Variants in NAA15 observed in about 807,000 individuals in gnomAD.
NAA15 encodes N-terminal acetyltransferase.
Under a neutral mutation model 114.0 loss-of-function variants are expected in NAA15, and 34 were observed. The observed-to-expected ratio is 0.30, with a 90% CI of 0.23 to 0.40. The LOEUF (loss-of-function observed/expected upper bound fraction) is 0.40. Among genes scored for constraint, NAA15 ranks in the 10% least tolerant of loss-of-function variants. The pLI is 1.00. For missense variants in NAA15, 658 were observed against 1,004.5 expected, an observed-to-expected ratio of 0.66 and a Z score of 4.66; for synonymous variants, 340 against 338.0, an observed-to-expected ratio of 1.01 and a Z score of -0.06.
intron 1 of NAA15, among the ~76,000 whole-genome samples, chr4:139,316,882 C>T (rs1746427013): frequency 6.7e-6 from 1 of 150,126 alleles, no homozygotes; most frequent in Non-Finnish European, 1.5e-5. Context: ...TTTAGTAGGC[C>T]ATCTATGCTC....
intron 15 of NAA15, among the ~76,000 whole-genome samples, chr4:139,371,497 G>GCGCGCA (rs1389164527): frequency 5.3e-5 from 6 of 113,678 alleles, no homozygotes; most frequent in East Asian, 5.7e-4. Flanking sequence ...AAGAAAAGTA[G>GCGCGCA]CACACACACA....
At chr4:139,303,329 ATTTATC>A (rs1466328986) in intron 1 of NAA15, among the ~76,000 whole-genome samples, 1 of 152,238 alleles carries the variant, frequency 6.6e-6, no homozygotes, top group African/African-American at 2.4e-5. Context: ...TAGAATAGCA[ATTTATC>A]TTTAATCTCT....
chr4:139,340,500 C>A (rs891666775), intron 3 of NAA15, among the ~76,000 whole-genome samples: 4 of 152,244 alleles, frequency 2.6e-5, no homozygotes, highest in Admixed American at 2.0e-4. Context: ...CCCATTCCTT[C>A]TTTTTCCTTT....
chr4:139,378,844 C>A lies in NAA15; in HGVS notation c.2145C>A (p.Leu715=), dbSNP rs35041082. Residue 715 remains leucine, a synonymous_variant, in exon 17 of 20, where the codon CTC becomes CTA. Transcript: ENST00000296543. ...GGCTTCATGAGTGTATGATTCGTCTCTTTAATACTGGTATGTTTTTGTTTT... is the reference window on the plus strand; with the variant it reads ...GGCTTCATGAGTGTATGATTCGTCTATTTAATACTGGTATGTTTTTGTTTT... ...HPWLHECMIR[L]FNTAVCESKD... is the part of the protein sequence containing the mutation. 91 of 1,550,836 alleles carry A rather than the reference C, an allele frequency of 5.9e-5. No individual in the cohort carries two copies. The African/African-American group carries it at 1.3e-3, about 21-fold the overall frequency.
At chr4:139,353,544 C>T (rs1016064459) in intron 9 of NAA15, among the ~76,000 whole-genome samples, 1 of 152,204 alleles carries the variant, frequency 6.6e-6, no homozygotes, top group African/African-American at 2.4e-5. Flanking sequence ...TGGATGGCCA[C>T]TCATTCTCCT....
chr4:139,368,501 C>T (rs1486995872), intron 14 of NAA15, among the ~76,000 whole-genome samples: 1 of 152,232 alleles, frequency 6.6e-6, no homozygotes, highest in Non-Finnish European at 1.5e-5. Flanking sequence ...GGCTTACTCT[C>T]ATGGCCAGAG....
At position 139,370,271 on chromosome 4, in the gene NAA15, A is replaced by G; in HGVS notation, c.1814A>G (p.Lys605Arg). 6.3e-7 allele frequency: 1 copy of G among 1,585,774 alleles called. No homozygotes were observed. Among genetic ancestry groups the G allele is most frequent in the Non-Finnish European group, 8.6e-7 (1 of 1,169,110 alleles). The change falls in exon 15 of 20, where the codon AAA (lysine) becomes AGA (arginine). Residue 605 changes from lysine (K) to arginine (R), a missense_variant. By Grantham distance (26) the Lys-to-Arg change is conservative (BLOSUM62 2). Coordinates refer to ENST00000296543, the MANE Select transcript of NAA15 (RefSeq NM_057175.5). ...AATAAACAAAGAAGAGCTCAAAAGA[A>G]AGCCCAGATAGAAGAAGAGAAAAAA... ...LRNKQRRAQK[K>R]AQIEEEKKNA...
At chr4:139,370,570 G>A (rs1410437226) in intron 15 of NAA15, among the ~76,000 whole-genome samples, 166 bp downstream of exon 15, 6 of 151,796 alleles carry the variant, frequency 4.0e-5, no homozygotes, top group East Asian at 1.9e-4. Context: ...GTTTCTGATC[G>A]TGTTTCATGT....
At chr4:139,302,686 A>G (rs1023925578) in intron 1 of NAA15, 1 of 152,280 alleles carries the variant, frequency 6.6e-6, no homozygotes, top group African/African-American at 2.4e-5. Flanking sequence ...AAATGAGAAT[A>G]TAAGAACTTT....
rs773011628 is a variant in NAA15, at chr4:139,321,773, G to T, written c.55-12401G>T. 2.6e-5 allele frequency among the ~76,000 whole-genome samples: 4 copies of T among 151,748 alleles called. No individual in the cohort carries two copies. In the South Asian group the frequency reaches 6.3e-4, roughly 24 times the overall value. ...GCTGGGATTACAGGTGTGAGCCACCGTGCCTGGCCCCCTCATTTGTTTTTT... is the reference window on the plus strand; with the variant it reads ...GCTGGGATTACAGGTGTGAGCCACCTTGCCTGGCCCCCTCATTTGTTTTTT... On this transcript the variant is annotated intron_variant, in intron 1 of 19. Transcript: ENST00000296543.
At chr4:139,360,180 G>A (rs1246033404) in intron 12 of NAA15, among the ~76,000 whole-genome samples, 1 of 152,064 alleles carries the variant, frequency 6.6e-6, no homozygotes, top group Admixed American at 6.6e-5. Context: ...TACCTGCTAT[G>A]TGGTGGTGTT....
Position 139,351,248 on chromosome 4 carries a change from G to T in NAA15, c.869G>T (p.Gly290Val). ...GAAGCCTGGACTAAATATCCCAGGGGACTGGTGCCAAGAAGGCTGCCGTTA... is the reference window on the plus strand; with the variant it reads ...GAAGCCTGGACTAAATATCCCAGGGTACTGGTGCCAAGAAGGCTGCCGTTA... ...YEEAWTKYPR[G>V]LVPRRLPLNF... Residue 290 changes from glycine (G) to valine (V), a missense_variant, in exon 8 of 20, where the codon GGA (glycine) becomes GTA (valine). By Grantham distance (109) the Gly-to-Val change is moderately radical. Around this residue, in one of 6 missense-constraint regions of NAA15, gnomAD observed 281 missense variants for 389.1 expected, o/e 0.72. Coordinates refer to ENST00000296543, the MANE Select transcript of NAA15 (RefSeq NM_057175.5). 6.2e-7 allele frequency: 1 copy of T among 1,610,588 alleles called. No individual in the cohort carries two copies. The highest frequency in any genetic ancestry group is 8.5e-7 in the Non-Finnish European group (1 of 1,178,088).
At chr4:139,315,013 T>C (rs544019919) in intron 1 of NAA15, among the ~76,000 whole-genome samples, 2,936 of 131,956 alleles carry the variant, frequency 0.022, 252 homozygotes, top group Admixed American at 0.049. Flanking sequence ...TAGTTTAGGT[T>C]AGGTTAGGTT....
At chr4:139,328,356 G>C (rs565077886) in intron 1 of NAA15, among the ~76,000 whole-genome samples, 1 of 151,806 alleles carries the variant, frequency 6.6e-6, no homozygotes. Context: ...ACAGGTGTCC[G>C]CCACCACGCC....
Position 139,390,599 on chromosome 4 carries a change from T to C in NAA15, c.*2515T>C, listed in dbSNP as rs1749034844. The C allele has an allele frequency of 6.5e-6, 1 of 152,680 alleles. No individual in the cohort carries two copies. Among genetic ancestry groups the C allele is most frequent in the African/African-American group, 2.4e-5 (1 of 41,472 alleles). 9.5% of individuals were successfully genotyped at this position (152,680 alleles called of 1,614,324 possible). On this transcript the variant is annotated 3_prime_UTR_variant, in exon 20 of 20. Coordinates refer to ENST00000296543, the MANE Select transcript of NAA15 (RefSeq NM_057175.5). ...AGAAGAAAGGGTCTCTTGACCTGTA[T>C]TAACATAGGAAAGTAAAGTTCTTTT...
chr4:139,364,898 A>G (rs1258776061), intron 14 of NAA15, among the ~76,000 whole-genome samples: 1 of 152,132 alleles, frequency 6.6e-6, no homozygotes, highest in Non-Finnish European at 1.5e-5. Flanking sequence ...ATTTCTTTCA[A>G]TATTTATACC....
intron 7 of NAA15, among the ~76,000 whole-genome samples, chr4:139,350,409 A>G (rs1747737875): frequency 6.6e-6 from 1 of 152,256 alleles, no homozygotes; most frequent in South Asian, 2.1e-4. Context: ...CTGAATGAGC[A>G]TCACTGTTCC....
At chr4:139,308,629 A>T (rs1746106952) in intron 1 of NAA15, among the ~76,000 whole-genome samples, 1 of 152,160 alleles carries the variant, frequency 6.6e-6, no homozygotes, top group Non-Finnish European at 1.5e-5. Flanking sequence ...ATGGAGTCTC[A>T]CTTTTGTCGT....
At chr4:139,334,310 T>C (rs1476045960) in intron 2 of NAA15, 52 bp downstream of exon 2, 1 of 1,182,432 alleles carries the variant, frequency 8.5e-7, no homozygotes, top group African/African-American at 1.6e-5. Context: ...CCTCTCTTAC[T>C]GGATTGTATT....
Sources: allele counts gnomAD v4.1 joint callset (sites outside exome capture counted in the v4.1 genomes callset), GRCh38; gene constraint gnomAD v4.1.1; regional missense constraint gnomAD v4.1.1; transcripts MANE v1.5; gene names NCBI Gene and HGNC (gene_info 2026-07-23, HGNC 2026-07-21).